The following FAM149B1 variants were observed in gnomAD, a reference collection of about 807,000 sequenced individuals.
FAM149B1 encodes primary cilium assembly protein FAM149B1.
Under a neutral mutation model 75.3 loss-of-function variants are expected in FAM149B1, and 56 were observed. The ratio of observed to expected loss-of-function variants is 0.74; its 90% CI spans 0.60 to 0.93. FAM149B1 has a LOEUF of 0.93. Among genes scored for constraint, FAM149B1 ranks in the 40% least tolerant of loss-of-function variants. FAM149B1 has a pLI of 0.00. For synonymous variants in FAM149B1, 259 were observed against 256.1 expected, an observed-to-expected ratio of 1.01 and a Z score of -0.11; for missense variants, 639 against 708.4, an observed-to-expected ratio of 0.90 and a Z score of 1.11.
intron 7 of FAM149B1, among the ~76,000 whole-genome samples, chr10:73,219,587 A>G (rs2043364730): frequency 1.3e-5 from 2 of 152,238 alleles, no homozygotes; most frequent in Admixed American, 1.3e-4. Context: ...TAGAATCAAA[A>G]GTTCAGAAAT....
chr10:73,224,371 T>G (rs1326274499), intron 7 of FAM149B1, among the ~76,000 whole-genome samples: 3 of 151,732 alleles, frequency 2.0e-5, no homozygotes, highest in Non-Finnish European at 4.4e-5. Flanking sequence ...CTAGAAAACA[T>G]ACATCAGAAA....
chr10:73,233,764 G>T (rs745826344), intron 10 of FAM149B1, among the ~76,000 whole-genome samples: 7 of 152,184 alleles, frequency 4.6e-5, no homozygotes, highest in African/African-American at 1.7e-4. Flanking sequence ...AAGGAATAAA[G>T]AACCTATTTA....
chr10:73,180,398 C>G (rs2042368934), intron 3 of FAM149B1, among the ~76,000 whole-genome samples: 1 of 152,148 alleles, frequency 6.6e-6, no homozygotes. Context: ...GTAGGTGGGA[C>G]TAGATCATTA....
At chr10:73,210,492 C>G in intron 7 of FAM149B1, 54 bp downstream of exon 7, 1 of 1,273,476 alleles carries the variant, frequency 7.9e-7, no homozygotes, top group Middle Eastern at 1.9e-4. Context: ...ATTTCTAAAC[C>G]CTAACCAGTC....
At chr10:73,177,369 G>A (rs1298596475) in intron 2 of FAM149B1, among the ~76,000 whole-genome samples, 2 of 151,876 alleles carry the variant, frequency 1.3e-5, no homozygotes, top group Non-Finnish European at 1.5e-5. Context: ...GAGCTCAGGA[G>A]TTCAAGACCA....
chr10:73,209,397 G>A (rs1353469029), intron 6 of FAM149B1, among the ~76,000 whole-genome samples: 6 of 152,048 alleles, frequency 3.9e-5, no homozygotes, highest in East Asian at 1.9e-4. Flanking sequence ...GCAGTGAGCC[G>A]AGATCACGCC....
intron 5 of FAM149B1, among the ~76,000 whole-genome samples, chr10:73,195,486 G>C (rs989617049): frequency 6.6e-6 from 1 of 152,064 alleles, no homozygotes; most frequent in Non-Finnish European, 1.5e-5. Flanking sequence ...CATTCTCTCT[G>C]ATCAAAATTA....
chr10:73,224,821 T>C (rs960462941), intron 7 of FAM149B1, among the ~76,000 whole-genome samples: 1 of 152,132 alleles, frequency 6.6e-6, no homozygotes, highest in Non-Finnish European at 1.5e-5. Flanking sequence ...GGGGTTTCTT[T>C]TTGGGGTGAT....
chr10:73,205,516 A>C (rs1018011695), intron 5 of FAM149B1, among the ~76,000 whole-genome samples: 14 of 151,908 alleles, frequency 9.2e-5, no homozygotes, highest in Non-Finnish European at 1.8e-4. Flanking sequence ...CTTTTCCTAT[A>C]AATTACCCAG....
At chr10:73,178,255 G>T (rs527571264) in intron 3 of FAM149B1, among the ~76,000 whole-genome samples, 8 of 152,202 alleles carry the variant, frequency 5.3e-5, no homozygotes, top group Non-Finnish European at 8.8e-5. Flanking sequence ...ACTTTGGGAG[G>T]CCGAGGCGGG....
At chr10:73,229,998 GAGA>G (rs1236804009) in intron 8 of FAM149B1, among the ~76,000 whole-genome samples, 1 of 152,212 alleles carries the variant, frequency 6.6e-6, no homozygotes, top group African/African-American at 2.4e-5. Context: ...GGTAGTGAAA[GAGA>G]AGGATTAGTT....
chr10:73,189,627 T>A (rs530039532), intron 3 of FAM149B1, among the ~76,000 whole-genome samples: 6 of 152,206 alleles, frequency 3.9e-5, no homozygotes, highest in Non-Finnish European at 8.8e-5. Context: ...TTCTCCTGAA[T>A]GAAGGAAGCC....
intron 3 of FAM149B1, among the ~76,000 whole-genome samples, chr10:73,182,288 C>G (rs910179556): frequency 3.5e-4 from 53 of 150,824 alleles, no homozygotes; most frequent in African/African-American, 1.3e-3. Context: ...AATCTCGGCT[C>G]ACTGCAACCT....
At position 73,239,391 on chromosome 10, in the gene FAM149B1, G is replaced by A. The variant is rs1408425189; in HGVS notation, c.1675+7G>A. On this transcript the variant is annotated splice_region_variant and intron_variant, in intron 13 of 13. Coordinates refer to ENST00000242505, the MANE Select transcript of FAM149B1 (RefSeq NM_173348.2). ...CCTGGCAGGGGATCTGCAGGTAAAG[G>A]TGGGGCCATGGCCCTTATTTACTAC... The A allele has an allele frequency of 4.5e-6, 7 of 1,550,478 alleles. No individual in the cohort carries two copies. The highest frequency in any genetic ancestry group is 6.1e-6 in the Non-Finnish European group (7 of 1,145,924).
At chr10:73,235,345 T>A in intron 12 of FAM149B1, 27 bp downstream of exon 12, 1 of 1,550,622 alleles carries the variant, frequency 6.4e-7, no homozygotes, top group Non-Finnish European at 8.7e-7. Context: ...CCTAGAATGG[T>A]CTTGATAGTT....
intron 12 of FAM149B1, 27 bp downstream of exon 12, chr10:73,235,345 T>C: frequency 6.4e-7 from 1 of 1,550,622 alleles, no homozygotes; most frequent in Non-Finnish European, 8.7e-7. Context: ...CCTAGAATGG[T>C]CTTGATAGTT....
At chr10:73,231,721 GAA>G (rs1193385450) in intron 9 of FAM149B1, among the ~76,000 whole-genome samples, 1 of 152,134 alleles carries the variant, frequency 6.6e-6, no homozygotes, top group African/African-American at 2.4e-5. Flanking sequence ...TCTGTTGGCG[GAA>G]AAGATGGGTT....
intron 7 of FAM149B1, among the ~76,000 whole-genome samples, chr10:73,218,327 T>C (rs1337495427): frequency 1.3e-5 from 2 of 152,212 alleles, no homozygotes; most frequent in Non-Finnish European, 2.9e-5. Context: ...AAAGGTAGCA[T>C]GTGTTTGTAG....
Position 73,234,585 on chromosome 10 carries a change from C to T in FAM149B1, c.1353-232C>T, listed in dbSNP as rs376763233. Reference sequence around the variant, plus strand: ...TTCCAGTTCTGTGGGAGAGAAAAGGCCAGCTTCTGTTGTGTACCCAGAGTA... The same window carrying T: ...TTCCAGTTCTGTGGGAGAGAAAAGGTCAGCTTCTGTTGTGTACCCAGAGTA... On this transcript the variant is annotated intron_variant, in intron 10 of 13. Coordinates refer to ENST00000242505, the MANE Select transcript of FAM149B1 (RefSeq NM_173348.2). The T allele has an allele frequency of 2.3e-3, 1,113 of 476,320 alleles. 34 individuals are homozygous for T. In the South Asian group the frequency reaches 0.028, roughly 12 times the overall value. The allele number at this position is 476,320 out of a possible 1,614,324, so 29.5% of individuals were successfully genotyped here. A position where few individuals can be genotyped will look rare whatever the true frequency, so the allele number is the denominator to read the frequency against.
Sources: gnomAD v4.1 joint callset for allele counts (sites outside exome capture counted in the v4.1 genomes callset) on GRCh38, gnomAD v4.1.1 for gene constraint, MANE v1.5 for transcripts, NCBI Gene and HGNC (gene_info 2026-07-23, HGNC 2026-07-21) for gene names.